The following ZCCHC8 variants were observed in gnomAD, a reference collection of about 807,000 sequenced individuals.
The protein encoded by ZCCHC8 is zinc finger CCHC domain-containing protein 8.
ZCCHC8 carries 27 observed loss-of-function variants against 70.6 expected under a neutral mutation model. That is an observed-to-expected ratio of 0.38 (90% CI 0.28 to 0.53). The LOEUF (loss-of-function observed/expected upper bound fraction) is 0.53. ZCCHC8 is among the 20% of genes least tolerant of loss of function. The probability of loss-of-function intolerance (pLI) is 0.81; values close to 1 mark genes in which losing one functional copy is unlikely to be tolerated. For missense variants in ZCCHC8, 737 were observed against 876.9 expected (o/e 0.84, Z 2.01); for synonymous variants, 293 against 317.4 (o/e 0.92, Z 0.82).
chr12:122,500,040 C>T lies in ZCCHC8; in HGVS notation c.199+602G>A, dbSNP rs1957895716. 6.6e-6 allele frequency: 1 copy of T among 152,192 alleles called. No individual in the cohort carries two copies. The highest frequency in any genetic ancestry group is 6.6e-5 in the Admixed American group (1 of 15,266). The allele number at this position is 152,192 out of a possible 1,614,324, so 9.4% of individuals were successfully genotyped here. On this transcript the variant is annotated intron_variant, in intron 1 of 13. Coordinates refer to ENST00000633063, the MANE Select transcript of ZCCHC8 (RefSeq NM_017612.5). This position sits in a 1 kb window ranked among gnomAD's most constrained non-coding sequence, Gnocchi z 4.8. ...ACAGAAACTTCTTTGGCGCGTTTTC[C>T]TCAAGGCGTTGCAAAGCATCTTCAG...
At chr12:122,482,207 G>A (rs983979311) in intron 8 of ZCCHC8, 120 bp from the exon 9 acceptor site, 12 of 1,102,572 alleles carry the variant, frequency 1.1e-5, no homozygotes, top group African/African-American at 6.5e-5. Flanking sequence ...AATGTATAAC[G>A]AACAAGTGTA....
intron 2 of ZCCHC8, among the ~76,000 whole-genome samples, chr12:122,495,396 T>G (rs1018136130): frequency 5.3e-5 from 8 of 151,700 alleles, no homozygotes; most frequent in African/African-American, 1.7e-4. Context: ...GAGACCTAGG[T>G]GAAGGAATAG....
At position 122,472,571 on chromosome 12, in the gene ZCCHC8, T is replaced by C. The variant is rs1368866091; in HGVS notation, c.*926A>G. ...CAGGTGAGGTGGCTTACGCCTGTAA[T>C]CCCAGCACTTTGGGAGGCTGGGCGG... On this transcript the variant is annotated 3_prime_UTR_variant, in exon 14 of 14. Coordinates refer to ENST00000633063, the MANE Select transcript of ZCCHC8 (RefSeq NM_017612.5). The C allele has an allele frequency of 6.6e-6, 1 of 152,274 alleles. No individual in the cohort carries two copies. Among genetic ancestry groups the C allele is most frequent in the Non-Finnish European group, 1.5e-5 (1 of 68,110 alleles). 9.4% of individuals were successfully genotyped at this position (152,274 alleles called of 1,614,324 possible).
In ZCCHC8 at chr12:122,473,995, G is replaced by T; in HGVS notation, c.1626C>A (p.Asp542Glu). The change falls in exon 14 of 14, where the codon GAC becomes GAA. Residue 542 changes from aspartate (D) to glutamate (E), a missense_variant. Asp to Glu is a conservative substitution (Grantham distance 45, BLOSUM62 2). Coordinates refer to ENST00000633063, the MANE Select transcript of ZCCHC8 (RefSeq NM_017612.5). ...CAGTTAAAGGTGTGTCCACAGGAACGTCGGAGTCGCTGTTTACGCTCTCGG... is the reference window on the plus strand; with the variant it reads ...CAGTTAAAGGTGTGTCCACAGGAACTTCGGAGTCGCTGTTTACGCTCTCGG... The part of the protein sequence containing the change: ...EQAESVNSDS[D>E]VPVDTPLTGN... The T allele has an allele frequency of 6.3e-7, 1 of 1,577,170 alleles. No individual in the cohort carries two copies. Among genetic ancestry groups the T allele is most frequent in the Admixed American group, 1.9e-5 (1 of 53,400 alleles).
chr12:122,498,312 A>G (rs1188526946), intron 2 of ZCCHC8, among the ~76,000 whole-genome samples: 9 of 151,964 alleles, frequency 5.9e-5, no homozygotes, highest in Non-Finnish European at 1.0e-4. Context: ...TTGTAATTTT[A>G]GTAGAGACAG....
intron 13 of ZCCHC8, among the ~76,000 whole-genome samples, chr12:122,476,068 TAC>T (rs1957411678): frequency 6.6e-6 from 1 of 152,242 alleles, no homozygotes; most frequent in Non-Finnish European, 1.5e-5. Context: ...GTGCCACCAT[TAC>T]AGTCTGGAAC....
intron 10 of ZCCHC8, 188 bp downstream of exon 10, chr12:122,481,334 G>T: frequency 1.4e-6 from 1 of 697,946 alleles, no homozygotes; most frequent in Non-Finnish European, 2.2e-6. Flanking sequence ...AAAACCATCA[G>T]ATAATCTACA....
At chr12:122,493,385 G>A (rs1593331209) in intron 2 of ZCCHC8, among the ~76,000 whole-genome samples, 1 of 151,956 alleles carries the variant, frequency 6.6e-6, no homozygotes, top group South Asian at 2.1e-4. Context: ...AAATTAGGGG[G>A]AGGGAAGGAC....
At chr12:122,488,495 A>G (rs1957682346) in intron 5 of ZCCHC8, among the ~76,000 whole-genome samples, 1 of 152,006 alleles carries the variant, frequency 6.6e-6, no homozygotes, top group Non-Finnish European at 1.5e-5. Context: ...ATTGTGGTAT[A>G]CTAATATGGG....
At position 122,480,196 on chromosome 12, in the gene ZCCHC8, A is replaced by G; in HGVS notation, c.1134T>C (p.Ile378=). The part of the protein sequence containing the change: ...PGFNISTPRG[I]PDEWRIFGSI... ...AAAAAATCAATATACTTACGTCTGG[A>G]ATTCCTCTGGGAGTAGATATATTAA... is the stretch of plus-strand genomic sequence containing the variant. The change falls in exon 11 of 14, where the codon ATT becomes ATC. Residue 378 remains isoleucine (I), a synonymous_variant. Transcript: ENST00000633063. The G allele has an allele frequency of 6.3e-7, 1 of 1,579,426 alleles. No homozygotes were observed.
At chr12:122,482,403 A>G (rs1306233982) in intron 8 of ZCCHC8, 1 of 441,028 alleles carries the variant, frequency 2.3e-6, no homozygotes, top group East Asian at 3.4e-5. Flanking sequence ...TAAAATATGA[A>G]CACAAATTTG....
At chr12:122,489,547 C>G in intron 4 of ZCCHC8, 84 bp from the exon 5 acceptor site, 1 of 1,248,470 alleles carries the variant, frequency 8.0e-7, no homozygotes, top group Non-Finnish European at 1.1e-6. Context: ...AGAAATTAAG[C>G]TAAGAATGTT....
In ZCCHC8 at chr12:122,473,979, G is replaced by C. The variant is rs150057798; in HGVS notation, c.1642C>G (p.Pro548Ala). 2 of 1,599,504 alleles carry C rather than the reference G, an allele frequency of 1.3e-6. No individual in the cohort carries two copies. The highest frequency in any genetic ancestry group is 2.7e-5 in the African/African-American group (2 of 74,286). ...GAGGCAACGGAATTGCCAGTTAAAG[G>C]TGTGTCCACAGGAACGTCGGAGTCG... is the stretch of plus-strand genomic sequence containing the variant. ...NSDSDVPVDT[P>A]LTGNSVASSP... The change falls in exon 14 of 14, where the codon CCT (proline) becomes GCT (alanine). Residue 548 changes from proline to alanine, a missense_variant. By Grantham distance (27) the Pro-to-Ala change is conservative. Transcript: ENST00000633063.
Position 122,500,680 on chromosome 12 carries a change from C to A in ZCCHC8, c.161G>T (p.Arg54Leu). The A allele has an allele frequency of 6.3e-7, 1 of 1,582,076 alleles. No individual in the cohort carries two copies. The change falls in exon 1 of 14, where the codon CGG (arginine) becomes CTG (leucine). Residue 54 changes from arginine to leucine, a missense_variant. Arg to Leu is a moderately radical substitution (Grantham distance 102). Transcript: ENST00000633063. The surrounding 1 kb of genome is among the most constrained non-coding windows in gnomAD (Gnocchi z 4.8). Reference sequence around the variant, plus strand: ...CTGCTCGATGGTCTCCTCGCACTGCCGAAGCCGCTCCCGTAGCTCCGCGTC... The same window carrying A: ...CTGCTCGATGGTCTCCTCGCACTGCAGAAGCCGCTCCCGTAGCTCCGCGTC... ...VGDAELRERL[R>L]QCEETIEQLR...
At position 122,483,425 on chromosome 12, in the gene ZCCHC8, A is replaced by G. The variant is rs963871455; in HGVS notation, c.605+35T>C. On this transcript the variant is annotated intron_variant, in intron 6 of 13. Coordinates refer to ENST00000633063, the MANE Select transcript of ZCCHC8 (RefSeq NM_017612.5). This position sits in a 1 kb window ranked among gnomAD's most constrained non-coding sequence, Gnocchi z 4.4. ...TTTTAAAGGTGAACTTAGTGGCAAGATGCATAAAAGATCTTCATTCACTAT... is the reference window on the plus strand; with the variant it reads ...TTTTAAAGGTGAACTTAGTGGCAAGGTGCATAAAAGATCTTCATTCACTAT... 7 of 1,572,082 alleles carry G rather than the reference A, an allele frequency of 4.5e-6. No individual in the cohort carries two copies. The African/African-American group carries it at 5.4e-5, about 12-fold the overall frequency.
intron 5 of ZCCHC8, among the ~76,000 whole-genome samples, chr12:122,488,214 T>G (rs1012976972): frequency 6.6e-6 from 1 of 152,134 alleles, no homozygotes; most frequent in African/African-American, 2.4e-5. Context: ...GTATTTTCAG[T>G]AGAGACAAGG....
chr12:122,474,243 C>A lies in ZCCHC8; in HGVS notation c.1378G>T (p.Glu460Ter). ...MEVPHGSQSS[E>*]SFQFQPPLPP... is the part of the protein sequence containing the mutation. ...AATGGTGGTTGAAACTGAAAACTTTCGCTGCTCTGAGAACCATGTGGTACC... is the reference window on the plus strand; with the variant it reads ...AATGGTGGTTGAAACTGAAAACTTTAGCTGCTCTGAGAACCATGTGGTACC... Residue 460 changes from glutamate (E) to a stop codon, truncating the protein, a stop_gained, in exon 14 of 14, where the codon GAA becomes TAA. Coordinates refer to ENST00000633063, the MANE Select transcript of ZCCHC8 (RefSeq NM_017612.5). LOFTEE classifies it low-confidence loss of function (END_TRUNC). 4 of 1,472,550 alleles carry A rather than the reference C, an allele frequency of 2.7e-6. No homozygotes were observed. The highest frequency in any genetic ancestry group is 3.6e-6 in the Non-Finnish European group (4 of 1,116,346). The allele number at this position is 1,472,550 out of a possible 1,614,324, so 91.2% of individuals were successfully genotyped here. A position where few individuals can be genotyped will look rare whatever the true frequency, so the allele number is the denominator to read the frequency against.
At chr12:122,484,712 C>T (rs1270992885) in intron 5 of ZCCHC8, among the ~76,000 whole-genome samples, 1 of 151,862 alleles carries the variant, frequency 6.6e-6, no homozygotes, top group Admixed American at 6.6e-5. Flanking sequence ...TTTAATGACA[C>T]TGCCCTCTCT....
intron 8 of ZCCHC8, 131 bp from the exon 9 acceptor site, chr12:122,482,218 A>G: frequency 3.1e-6 from 3 of 957,902 alleles, no homozygotes; most frequent in Non-Finnish European, 4.3e-6. Flanking sequence ...AACAAGTGTA[A>G]AAGAGGGTGA....
Sources: gnomAD v4.1 joint callset for allele counts (sites outside exome capture counted in the v4.1 genomes callset) on GRCh38, gnomAD v4.1.1 for gene constraint, Gnocchi (gnomAD v3.1) non-coding constraint, MANE v1.5 for transcripts, NCBI Gene and HGNC (gene_info 2026-07-23, HGNC 2026-07-21) for gene names.